KANSL2: variants seen among roughly 807,000 people sequenced by gnomAD.
KANSL2 encodes the protein KAT8 regulatory NSL complex subunit 2.
In KANSL2, 34 loss-of-function variants were observed where a neutral mutation model predicts 55.6. The observed-to-expected ratio is 0.61, with a 90% CI of 0.46 to 0.81. The LOEUF (loss-of-function observed/expected upper bound fraction) is 0.81. KANSL2 is among the 40% of genes least tolerant of loss of function. The pLI, the probability that KANSL2 is intolerant of heterozygous loss-of-function variation, is 0.00. For missense variants in KANSL2, 502 were observed against 609.9 expected, an observed-to-expected ratio of 0.82 and a Z score of 1.86; for synonymous variants, 209 against 214.3, an observed-to-expected ratio of 0.98 and a Z score of 0.22.
At chr12:48,663,913 CTTTTTTTTTTTTT>C (rs34879709) in intron 7 of KANSL2, among the ~76,000 whole-genome samples, 7 of 112,566 alleles carry the variant, frequency 6.2e-5, no homozygotes, top group African/African-American at 1.3e-4. Context: ...AACTATTAGC[CTTTTTTTTTTTTT>C]TTTTTTTTTG....
Position 48,679,072 on chromosome 12 carries a change from G to C in KANSL2, c.509C>G (p.Ala170Gly), listed in dbSNP as rs768770873. The change falls in exon 4 of 10, where the codon GCT becomes GGT. Residue 170 changes from alanine (A) to glycine (G), a missense_variant. Transcript: ENST00000420613. ...TTCTTGATCACTGTCTATGCTATCAGCTTCACTGTCAGGGTCACCTCTCCA... is the reference window on the plus strand; with the variant it reads ...TTCTTGATCACTGTCTATGCTATCACCTTCACTGTCAGGGTCACCTCTCCA... ...QTWRGDPDSE[A>G]DSIDSDQEDP... 4 of 1,613,670 alleles carry C rather than the reference G, an allele frequency of 2.5e-6. No homozygotes were observed. In the South Asian group the frequency reaches 4.4e-5, roughly 18 times the overall value.
At chr12:48,660,705 G>T in intron 7 of KANSL2, 86 bp from the exon 8 acceptor site, 1 of 1,360,656 alleles carries the variant, frequency 7.3e-7, no homozygotes, top group Admixed American at 2.2e-5. Context: ...TAAAACTCAA[G>T]GTGTGGACTA....
At chr12:48,656,921 T>C (rs1056727584) in intron 8 of KANSL2, 2 of 286,720 alleles carry the variant, frequency 7.0e-6, no homozygotes, top group African/African-American at 4.5e-5. Context: ...ATCCAGTTTA[T>C]AGATGCTCCG....
Position 48,669,216 on chromosome 12 carries a change from T to C in KANSL2, c.766A>G (p.Lys256Glu), listed in dbSNP as rs1234850200. Residue 256 changes from lysine (K) to glutamate (E), a missense_variant, in exon 6 of 10, where the codon AAG becomes GAG. Transcript: ENST00000420613. ...GLLAKERENL[K>E]RLKCLRRYRQ... ...TATCGTCGCAGACATTTTAATCGCT[T>C]TAAGTTCTCTCGTTCTTTGGCCAAA... 1 of 1,568,884 alleles carries C rather than the reference T, an allele frequency of 6.4e-7. No homozygotes were observed. Among genetic ancestry groups the C allele is most frequent in the South Asian group, 1.2e-5 (1 of 85,246 alleles).
chr12:48,670,062 G>A (rs1381287583), intron 5 of KANSL2, among the ~76,000 whole-genome samples: 2 of 151,910 alleles, frequency 1.3e-5, no homozygotes, highest in African/African-American at 4.8e-5. Context: ...TTAGCTGGGC[G>A]TGGTGGCATG....
At chr12:48,655,097 G>A (rs2137172164) in intron 8 of KANSL2, 37 bp from the exon 9 acceptor site, 5 of 1,547,968 alleles carry the variant, frequency 3.2e-6, no homozygotes, top group Non-Finnish European at 4.4e-6. Flanking sequence ...CAATACCAAG[G>A]GAAACAGTAA....
At chr12:48,655,136 T>G in intron 8 of KANSL2, 76 bp from the exon 9 acceptor site, 1 of 1,429,816 alleles carries the variant, frequency 7.0e-7, no homozygotes, top group Non-Finnish European at 9.6e-7. Context: ...CAGCAAACTT[T>G]AAAGCAATAC....
intron 8 of KANSL2, among the ~76,000 whole-genome samples, chr12:48,659,553 T>C (rs1212248951): frequency 6.6e-6 from 1 of 151,200 alleles, no homozygotes; most frequent in African/African-American, 2.4e-5. Context: ...AGCCCAGGAG[T>C]TCGAGGCTGC....
chr12:48,669,303 C>T (rs1478361654), intron 5 of KANSL2, 31 bp from the exon 6 acceptor site: 1 of 1,487,208 alleles, frequency 6.7e-7, no homozygotes, highest in African/African-American at 1.4e-5. Context: ...ATGTTATTTG[C>T]CAAGCAATCC....
chr12:48,661,096 A>G, intron 7 of KANSL2: 2 of 304,014 alleles, frequency 6.6e-6, no homozygotes, highest in Non-Finnish European at 9.8e-6. Flanking sequence ...AGATGATTAC[A>G]TGATAAATTC....
At chr12:48,679,221 A>G in intron 3 of KANSL2, 71 bp from the exon 4 acceptor site, 1 of 989,710 alleles carries the variant, frequency 1.0e-6, no homozygotes, top group East Asian at 2.5e-5. Context: ...AAACTAGATT[A>G]CTTTTATCAA....
At chr12:48,667,874 A>G in intron 6 of KANSL2, 85 bp from the exon 7 acceptor site, 1 of 962,998 alleles carries the variant, frequency 1.0e-6, no homozygotes, top group Non-Finnish European at 1.6e-6. Context: ...AGAAAAGCAC[A>G]TCCTAAAGGC....
At chr12:48,675,422 G>A (rs1275985364) in intron 4 of KANSL2, among the ~76,000 whole-genome samples, 2 of 151,972 alleles carry the variant, frequency 1.3e-5, no homozygotes, top group Admixed American at 6.6e-5. Context: ...AATACATAAC[G>A]GTTTCACAAG....
Position 48,681,553 on chromosome 12 carries a change from G to A in KANSL2, c.80C>T (p.Ser27Phe). 9.3e-6 allele frequency: 15 copies of A among 1,614,008 alleles called. No individual in the cohort carries two copies. The highest frequency in any genetic ancestry group is 1.3e-5 in the Non-Finnish European group (15 of 1,179,892). ...TPVPRSQEPL[S>F]CAFTHRPCSH... is the part of the protein sequence containing the mutation. ...GCATGGACGATGAGTGAATGCACAA[G>A]ACAGAGGTTCCTGAGACCTGGGCAC... is the stretch of plus-strand genomic sequence containing the variant. Residue 27 changes from serine to phenylalanine, a missense_variant, in exon 2 of 10, where the codon TCT becomes TTT. Physicochemically the swap from Ser to Phe is radical, Grantham distance 155 (BLOSUM62 -2). Coordinates refer to ENST00000420613, the MANE Select transcript of KANSL2 (RefSeq NM_017822.4).
chr12:48,671,107 A>T (rs1399468166), intron 5 of KANSL2, among the ~76,000 whole-genome samples: 1 of 152,040 alleles, frequency 6.6e-6, no homozygotes, highest in Non-Finnish European at 1.5e-5. Flanking sequence ...TCTACTAAAA[A>T]TAAAAAAATT....
At chr12:48,658,930 C>G (rs1363027503) in intron 8 of KANSL2, among the ~76,000 whole-genome samples, 1 of 152,172 alleles carries the variant, frequency 6.6e-6, no homozygotes, top group Non-Finnish European at 1.5e-5. Context: ...CCAGAATGAA[C>G]GGCTGTGTTT....
intron 8 of KANSL2, among the ~76,000 whole-genome samples, chr12:48,659,272 C>A (rs904358293): frequency 8.7e-5 from 13 of 149,578 alleles, no homozygotes; most frequent in African/African-American, 3.0e-4. Flanking sequence ...CCAGCTTGAA[C>A]AACAGAACAA....
rs540344779 is a variant in KANSL2 at position 48,667,722 on chromosome 12, G to C, written c.944C>G (p.Ser315Cys). Residue 315 changes from serine to cysteine, a missense_variant, in exon 7 of 10, where the codon TCT (serine) becomes TGT (cysteine). Ser to Cys is a moderately radical substitution (Grantham distance 112). Coordinates refer to ENST00000420613, the MANE Select transcript of KANSL2 (RefSeq NM_017822.4). ...FVDDVRCSNQ[S>C]LPMTRHCLTH... is the part of the protein sequence containing the mutation. ...AAGGCAGTGTCTGGTCATTGGAAGA[G>C]ACTGATTGGAACAACGAACATCATC... 1 of 1,613,886 alleles carries C rather than the reference G, an allele frequency of 6.2e-7. No individual in the cohort carries two copies. The highest frequency in any genetic ancestry group is 1.3e-5 in the African/African-American group (1 of 75,062).
intron 7 of KANSL2, among the ~76,000 whole-genome samples, chr12:48,661,726 T>C (rs1939491035): frequency 6.6e-6 from 1 of 152,186 alleles, no homozygotes; most frequent in Non-Finnish European, 1.5e-5. Flanking sequence ...ATAACTAAAC[T>C]CTCAAGCAGG....
Sources: allele counts gnomAD v4.1 joint callset (sites outside exome capture counted in the v4.1 genomes callset), GRCh38; gene constraint gnomAD v4.1.1; transcripts MANE v1.5; gene names NCBI Gene and HGNC (gene_info 2026-07-23, HGNC 2026-07-21).